Variants in ULK4 observed in about 807,000 individuals in gnomAD.
ULK4 encodes the protein inactive serine/threonine-protein kinase ULK4.
Under a neutral mutation model 160.6 loss-of-function variants are expected in ULK4, and 133 were observed. The ratio of observed to expected loss-of-function variants is 0.83; its 90% confidence interval spans 0.72 to 0.96. ULK4 has a LOEUF of 0.96. ULK4 is among the 40% of genes least tolerant of loss of function. ULK4 has a pLI of 0.00. For missense variants in ULK4, 1,580 were observed against 1,499.5 expected (o/e 1.05, Z -0.89); for synonymous variants, 534 against 539.8 (o/e 0.99, Z 0.15).
intron 21 of ULK4, among the ~76,000 whole-genome samples, chr3:41,771,507 C>G (rs1298875890): frequency 6.6e-6 from 1 of 152,072 alleles, no homozygotes; most frequent in Admixed American, 6.5e-5. Context: ...ATCAAAAAAG[C>G]ATGTAAGAAT....
intron 3 of ULK4, among the ~76,000 whole-genome samples, chr3:41,936,676 A>G (rs1488908060): frequency 1.3e-5 from 2 of 152,242 alleles, no homozygotes; most frequent in African/African-American, 4.8e-5. Flanking sequence ...AAAGACAAAC[A>G]TCGCATGTCC....
rs578129345 is a variant in ULK4, at chr3:41,343,070, C to G, written c.3678+55009G>C. ...TGACAAACCCACAGACAATATCATACTGAATGGGCAAAAGCTGAAAGCATT... is the reference window on the plus strand; with the variant it reads ...TGACAAACCCACAGACAATATCATAGTGAATGGGCAAAAGCTGAAAGCATT... On this transcript the variant is annotated intron_variant, in intron 35 of 36. Transcript: ENST00000301831. Among the ~76,000 whole-genome samples, 5 of 152,184 alleles carry G rather than the reference C, an allele frequency of 3.3e-5. No individual in the cohort carries two copies. In the East Asian group the frequency reaches 9.6e-4, roughly 29 times the overall value.
At chr3:41,394,925 C>G (rs1322406160) in intron 35 of ULK4, among the ~76,000 whole-genome samples, 2 of 152,040 alleles carry the variant, frequency 1.3e-5, no homozygotes, top group Non-Finnish European at 2.9e-5. Context: ...AAAGAAGAGA[C>G]ATCAAAGAGT....
In ULK4 at chr3:41,510,887, C is replaced by T. The variant is rs546389707; in HGVS notation, c.3227-47634G>A. Among the ~76,000 whole-genome samples the T allele has an allele frequency of 8.5e-5, 13 of 152,198 alleles. No individual in the cohort carries two copies. In the South Asian group the frequency reaches 2.3e-3, roughly 27 times the overall value. On this transcript the variant is annotated intron_variant, in intron 32 of 36. Coordinates refer to ENST00000301831, the MANE Select transcript of ULK4 (RefSeq NM_017886.4). ...CCTACATCAAAAAGTCTGGGACGGGCGCAGTGGCTCATGCCTGTAATCCCT... is the reference window on the plus strand; with the variant it reads ...CCTACATCAAAAAGTCTGGGACGGGTGCAGTGGCTCATGCCTGTAATCCCT...
chr3:41,924,963 A>G (rs981230241), intron 5 of ULK4, among the ~76,000 whole-genome samples: 1 of 152,216 alleles, frequency 6.6e-6, no homozygotes, highest in African/African-American at 2.4e-5. Context: ...TGAACATGGT[A>G]TATGAGGAGG....
intron 32 of ULK4, among the ~76,000 whole-genome samples, chr3:41,546,220 T>C (rs2086856654): frequency 1.3e-5 from 2 of 152,160 alleles, no homozygotes; most frequent in Non-Finnish European, 2.9e-5. Context: ...ACCTTCTTTT[T>C]AGTGCTACTG....
At chr3:41,858,158 T>G (rs1460780431) in intron 17 of ULK4, among the ~76,000 whole-genome samples, 5 of 144,190 alleles carry the variant, frequency 3.5e-5, no homozygotes, top group African/African-American at 1.3e-4. Context: ...TTTTTTTTTT[T>G]TTTTTTTTTT....
At chr3:41,355,615 T>G (rs541680403) in intron 35 of ULK4, among the ~76,000 whole-genome samples, 24 of 152,340 alleles carry the variant, frequency 1.6e-4, no homozygotes, top group African/African-American at 5.8e-4. Context: ...TCATGTTTTA[T>G]GCAAATTAGA....
At chr3:41,663,910 G>A (rs1232932876) in intron 29 of ULK4, among the ~76,000 whole-genome samples, 3 of 151,982 alleles carry the variant, frequency 2.0e-5, no homozygotes, top group African/African-American at 7.3e-5. Flanking sequence ...ACCAAATATA[G>A]AAAGACAAAA....
intron 35 of ULK4, among the ~76,000 whole-genome samples, chr3:41,362,023 TA>T (rs766370867): frequency 1.3e-5 from 2 of 152,198 alleles, no homozygotes; most frequent in African/African-American, 2.4e-5. Flanking sequence ...GTTTTGCTGA[TA>T]AAGCTTATCT....
At chr3:41,344,752 C>CAAAAAAAAAAAAAAAAAA (rs59466358) in intron 35 of ULK4, among the ~76,000 whole-genome samples, 2 of 62,818 alleles carry the variant, frequency 3.2e-5, no homozygotes, top group Non-Finnish European at 6.2e-5. Flanking sequence ...GACTCTGTCT[C>CAAAAAAAAAAAAAAAAAA]AAAAAAAAAA....
At chr3:41,846,763 C>T (rs2125669161) in intron 17 of ULK4, among the ~76,000 whole-genome samples, 1 of 149,508 alleles carries the variant, frequency 6.7e-6, no homozygotes, top group Non-Finnish European at 1.5e-5. Flanking sequence ...CAAGATCATG[C>T]CACTGCACTC....
intron 34 of ULK4, among the ~76,000 whole-genome samples, chr3:41,432,042 C>A (rs910516955): frequency 6.6e-6 from 1 of 152,056 alleles, no homozygotes; most frequent in Non-Finnish European, 1.5e-5. Flanking sequence ...CCACCCACCT[C>A]GGCCTCCCAA....
At chr3:41,360,331 T>C (rs1396796443) in intron 35 of ULK4, among the ~76,000 whole-genome samples, 1 of 152,170 alleles carries the variant, frequency 6.6e-6, no homozygotes, top group Non-Finnish European at 1.5e-5. Context: ...TAGAAATTAG[T>C]TCAACTCATT....
At chr3:41,839,945 G>A (rs569016721) in intron 17 of ULK4, among the ~76,000 whole-genome samples, 1 of 152,260 alleles carries the variant, frequency 6.6e-6, no homozygotes, top group African/African-American at 2.4e-5. Flanking sequence ...AATAAATGGA[G>A]TAATAGACTA....
At chr3:41,897,139 C>T (rs1366068635) in intron 14 of ULK4, 136 bp from the exon 15 acceptor site, 9 of 684,978 alleles carry the variant, frequency 1.3e-5, no homozygotes, top group Non-Finnish European at 2.1e-5. Flanking sequence ...AAAAATACTC[C>T]AAAGATGACA....
At chr3:41,760,838 C>G (rs2038959649) in intron 21 of ULK4, among the ~76,000 whole-genome samples, 1 of 152,054 alleles carries the variant, frequency 6.6e-6, no homozygotes, top group South Asian at 2.1e-4. Context: ...AGTCAAAAAC[C>G]AAAAACAGTC....
intron 35 of ULK4, among the ~76,000 whole-genome samples, chr3:41,294,847 C>T (rs1256278105): frequency 1.3e-5 from 2 of 152,186 alleles, no homozygotes; most frequent in Non-Finnish European, 2.9e-5. Context: ...GATAGGGACA[C>T]TCAATACTGT....
chr3:41,278,198 A>C (rs1050384939), intron 35 of ULK4: 2 of 152,342 alleles, frequency 1.3e-5, no homozygotes, highest in Non-Finnish European at 2.9e-5. Context: ...CTGCTAGCGC[A>C]GCAGTCTGGG....
Sources: allele counts gnomAD v4.1 joint callset (sites outside exome capture counted in the v4.1 genomes callset), GRCh38; gene constraint gnomAD v4.1.1; transcripts MANE v1.5; gene names NCBI Gene and HGNC (gene_info 2026-07-23, HGNC 2026-07-21).